The following GALNT17 variants were observed in gnomAD, a reference collection of about 807,000 sequenced individuals.
GALNT17 encodes polypeptide N-acetylgalactosaminyltransferase 17, also known as UDP-GalNAc:polypeptide N-acetylgalactosaminyltransferase-like 3.
A neutral mutation model predicts 63.7 loss-of-function variants in GALNT17; 29 were observed. The observed-to-expected ratio is 0.46, with a 90% CI of 0.34 to 0.62. The LOEUF is 0.62. Ranked by LOEUF, GALNT17 falls within the 20% of genes least tolerant of loss-of-function variation. The probability of loss-of-function intolerance (pLI) is 0.01; values close to 1 mark genes in which losing one functional copy is unlikely to be tolerated. For synonymous variants in GALNT17, 305 were observed against 318.3 expected (o/e 0.96, Z 0.45); for missense variants, 603 against 799.6 (o/e 0.75, Z 2.97).
At chr7:71,694,553 G>T (rs375063309) in intron 9 of GALNT17, among the ~76,000 whole-genome samples, 3 of 151,910 alleles carry the variant, frequency 2.0e-5, no homozygotes, top group African/African-American at 7.3e-5. Flanking sequence ...GCACCACCAC[G>T]TTCAGTTAAT....
chr7:71,685,644 G>A (rs1791342111), intron 9 of GALNT17: 1 of 152,080 alleles, frequency 6.6e-6, no homozygotes, highest in Non-Finnish European at 1.5e-5. Context: ...GCACGTGGAG[G>A]GGTGAGGGAG....
intron 2 of GALNT17, among the ~76,000 whole-genome samples, chr7:71,341,449 C>T (rs1297417424): frequency 6.6e-6 from 1 of 152,020 alleles, no homozygotes; most frequent in Non-Finnish European, 1.5e-5. Context: ...CCACCCAGTT[C>T]CTACATAATT....
At chr7:71,644,018 G>T (rs1037539683) in intron 6 of GALNT17, among the ~76,000 whole-genome samples, 1 of 152,148 alleles carries the variant, frequency 6.6e-6, no homozygotes, top group African/African-American at 2.4e-5. Context: ...GAGAGAAACA[G>T]AAATAAAAGT....
chr7:71,185,262 A>G (rs900320460), intron 1 of GALNT17, among the ~76,000 whole-genome samples: 1 of 148,890 alleles, frequency 6.7e-6, no homozygotes, highest in Non-Finnish European at 1.5e-5. Context: ...CTGGAGTACA[A>G]TGGTCTCATC....
intron 8 of GALNT17, among the ~76,000 whole-genome samples, chr7:71,670,943 T>TA (rs1791061350): frequency 1.3e-5 from 2 of 152,032 alleles, no homozygotes; most frequent in African/African-American, 4.8e-5. Context: ...TGTGCATGTG[T>TA]ATATACCCAT....
intron 2 of GALNT17, among the ~76,000 whole-genome samples, chr7:71,355,839 A>G (rs891500295): frequency 3.3e-5 from 5 of 151,738 alleles, no homozygotes; most frequent in South Asian, 2.1e-4. Context: ...AGCAGATTCT[A>G]TTTTACAACT....
At chr7:71,255,955 C>T (rs1488316867) in intron 1 of GALNT17, among the ~76,000 whole-genome samples, 1 of 152,164 alleles carries the variant, frequency 6.6e-6, no homozygotes, top group Non-Finnish European at 1.5e-5. Flanking sequence ...GGACATACCT[C>T]ATTATACCCT....
At chr7:71,257,701 T>C (rs1423672706) in intron 1 of GALNT17, among the ~76,000 whole-genome samples, 1 of 152,190 alleles carries the variant, frequency 6.6e-6, no homozygotes, top group Non-Finnish European at 1.5e-5. Flanking sequence ...TCCAGGCCAC[T>C]GTGGGGATGC....
chr7:71,163,772 T>C (rs911962313), intron 1 of GALNT17, among the ~76,000 whole-genome samples: 2 of 152,206 alleles, frequency 1.3e-5, no homozygotes, highest in African/African-American at 2.4e-5. Flanking sequence ...AAATTACCTC[T>C]TTCAGTGACA....
At chr7:71,133,310 G>C (rs1787721986) in intron 1 of GALNT17, among the ~76,000 whole-genome samples, 3 of 152,176 alleles carry the variant, frequency 2.0e-5, no homozygotes, top group African/African-American at 7.2e-5. Flanking sequence ...CCCCGCGTGC[G>C]GACTGGAAAT....
At chr7:71,505,312 C>T (rs1788249211) in intron 5 of GALNT17, among the ~76,000 whole-genome samples, 2 of 152,112 alleles carry the variant, frequency 1.3e-5, no homozygotes, top group South Asian at 4.2e-4. Flanking sequence ...AGTCAGCTCT[C>T]CTGGGGCCAG....
chr7:71,235,743 C>T (rs1469517257), intron 1 of GALNT17, among the ~76,000 whole-genome samples: 1 of 152,182 alleles, frequency 6.6e-6, no homozygotes, highest in African/African-American at 2.4e-5. Flanking sequence ...CCTGGGTTCC[C>T]CCAGCTCCAG....
chr7:71,341,771 T>A (rs1027999402), intron 2 of GALNT17, among the ~76,000 whole-genome samples: 1 of 152,180 alleles, frequency 6.6e-6, no homozygotes, highest in African/African-American at 2.4e-5. Context: ...TGAATTTGTT[T>A]TGAGGAAGCT....
intron 1 of GALNT17, among the ~76,000 whole-genome samples, chr7:71,140,320 G>A (rs1383349976): frequency 2.6e-5 from 4 of 152,184 alleles, no homozygotes; most frequent in Non-Finnish European, 4.4e-5. Context: ...TAGGACCAGG[G>A]CCAGGGTGCT....
chr7:71,359,070 T>A (rs889158097), intron 2 of GALNT17, among the ~76,000 whole-genome samples: 1 of 152,210 alleles, frequency 6.6e-6, no homozygotes, highest in Non-Finnish European at 1.5e-5. Context: ...ATTAATTTTG[T>A]TGATTTGCAA....
chr7:71,349,712 A>ACGTG (rs1444410665), intron 2 of GALNT17, among the ~76,000 whole-genome samples: 1 of 152,204 alleles, frequency 6.6e-6, no homozygotes, highest in Non-Finnish European at 1.5e-5. Flanking sequence ...CCTTAATGGT[A>ACGTG]CGTGCCCCAA....
At chr7:71,434,191 AGAC>A (rs1258757064) in intron 5 of GALNT17, among the ~76,000 whole-genome samples, 5 of 152,202 alleles carry the variant, frequency 3.3e-5, no homozygotes, top group African/African-American at 1.2e-4. Context: ...CTCAGCTTGC[AGAC>A]GGCTTATTGC....
chr7:71,432,807 C>A (rs892973202), intron 5 of GALNT17, among the ~76,000 whole-genome samples: 2 of 152,108 alleles, frequency 1.3e-5, no homozygotes, highest in Admixed American at 6.5e-5. Context: ...ATCTGTATTT[C>A]TTTTTGTTGT....
chr7:71,679,734 A>G (rs1232167713), intron 9 of GALNT17, among the ~76,000 whole-genome samples: 1 of 151,674 alleles, frequency 6.6e-6, no homozygotes, highest in Non-Finnish European at 1.5e-5. Context: ...CTGCACCAAG[A>G]CTCCAGCCTG....
Sources: gnomAD v4.1 joint callset for allele counts (sites outside exome capture counted in the v4.1 genomes callset) on GRCh38, gnomAD v4.1.1 for gene constraint, MANE v1.5 for transcripts, NCBI Gene and HGNC (gene_info 2026-07-23, HGNC 2026-07-21) for gene names.